The following RINT1 variants were observed in gnomAD, a reference collection of about 807,000 sequenced individuals.
RINT1 encodes RAD50-interacting protein 1.
RINT1 carries 75 observed loss-of-function variants against 97.7 expected under a neutral mutation model. The ratio of observed to expected loss-of-function variants is 0.77; its 90% CI spans 0.64 to 0.93. The LOEUF (loss-of-function observed/expected upper bound fraction) is 0.93. Ranked by LOEUF, RINT1 falls within the 40% of genes least tolerant of loss-of-function variation. RINT1 has a pLI of 0.00. For missense variants in RINT1, 892 were observed against 925.2 expected (o/e 0.96, Z 0.47); for synonymous variants, 303 against 326.3 (o/e 0.93, Z 0.77).
intron 4 of RINT1, among the ~76,000 whole-genome samples, chr7:105,545,535 T>A (rs1280375769): frequency 1.2e-4 from 18 of 148,162 alleles, no homozygotes; most frequent in Middle Eastern, 3.6e-3. Context: ...TATATATTTT[T>A]TTTTTTTTGA....
chr7:105,538,652 T>G (rs954385147), intron 3 of RINT1, among the ~76,000 whole-genome samples: 2 of 152,214 alleles, frequency 1.3e-5, no homozygotes, highest in African/African-American at 4.8e-5. Context: ...CAGATTCTGT[T>G]TGAGACATCT....
At chr7:105,534,279 G>C (rs1181268381) in intron 2 of RINT1, among the ~76,000 whole-genome samples, 3 of 152,094 alleles carry the variant, frequency 2.0e-5, no homozygotes, top group Non-Finnish European at 4.4e-5. Flanking sequence ...ATTTTGGTTA[G>C]GCTGGTCTTG....
chr7:105,565,666 CAATT>C lies in RINT1; in HGVS notation c.2186+22_2186+25del, dbSNP rs1327277129. ...TTTAAACAGTAAGCTCAACATTTAA[CAATT>C]AATATTAATGTATCAAATTGTTACA... is the stretch of plus-strand genomic sequence containing the variant. On this transcript the variant is annotated intron_variant, in intron 14 of 14. Coordinates refer to ENST00000257700, the MANE Select transcript of RINT1 (RefSeq NM_021930.6). The C allele has an allele frequency of 1.4e-6, 2 of 1,458,204 alleles. No individual in the cohort carries two copies. Among genetic ancestry groups the C allele is most frequent in the South Asian group, 2.3e-5 (2 of 87,168 alleles). 90.3% of individuals were successfully genotyped at this position (1,458,204 alleles called of 1,614,324 possible).
At chr7:105,547,685 GATTT>G (rs1197748315) in intron 6 of RINT1, among the ~76,000 whole-genome samples, 2 of 147,562 alleles carry the variant, frequency 1.4e-5, no homozygotes, top group Non-Finnish European at 3.0e-5. Flanking sequence ...TTTTAGGAAA[GATTT>G]ATAGATTAAT....
At position 105,563,933 on chromosome 7, in the gene RINT1, G is replaced by T; in HGVS notation, c.1872G>T (p.Leu624Phe). Residue 624 changes from leucine to phenylalanine, a missense_variant, in exon 12 of 15, where the codon TTG (leucine) becomes TTT (phenylalanine). Physicochemically the swap from Leu to Phe is conservative, Grantham distance 22. Coordinates refer to ENST00000257700, the MANE Select transcript of RINT1 (RefSeq NM_021930.6). ...VFREVKDAAK[L>F]YKKERWLSLP... ...GAGAAGTTAAAGATGCTGCAAAATT[G>T]TATAAAAAAGAAAGGTATGTCCTCT... is the stretch of plus-strand genomic sequence containing the variant. The T allele has an allele frequency of 6.2e-7, 1 of 1,613,352 alleles. No homozygotes were observed. Among genetic ancestry groups the T allele is most frequent in the Non-Finnish European group, 8.5e-7 (1 of 1,179,488 alleles).
rs201581045 is a variant in RINT1 at position 105,563,901 on chromosome 7, G to A, written c.1840G>A (p.Val614Ile). The A allele has an allele frequency of 5.1e-5, 83 of 1,613,912 alleles. No homozygotes were observed. Among genetic ancestry groups the A allele is most frequent in the South Asian group, 7.7e-5 (7 of 91,076 alleles). Reference sequence around the variant, plus strand: ...TATGTTGACCCGTCAAGTAGACCACGTTTTTAGAGAAGTTAAAGATGCTGC... The same window carrying A: ...TATGTTGACCCGTCAAGTAGACCACATTTTTAGAGAAGTTAAAGATGCTGC... ...HDMLTRQVDHVFREVKDAAKL... is the reference protein window; with the variant it reads ...HDMLTRQVDHIFREVKDAAKL... Residue 614 changes from valine (V) to isoleucine (I), a missense_variant, in exon 12 of 15, where the codon GTT (valine) becomes ATT (isoleucine). By Grantham distance (29) the Val-to-Ile change is conservative (BLOSUM62 3). Coordinates refer to ENST00000257700, the MANE Select transcript of RINT1 (RefSeq NM_021930.6).
intron 9 of RINT1, 27 bp from the exon 10 acceptor site, chr7:105,551,543 G>A (rs755100703): frequency 1.9e-6 from 3 of 1,548,164 alleles, no homozygotes; most frequent in South Asian, 2.5e-5. Flanking sequence ...CTACTTAATT[G>A]ACATAATTGT....
chr7:105,544,053 T>C (rs1790564000), intron 4 of RINT1, among the ~76,000 whole-genome samples: 1 of 151,936 alleles, frequency 6.6e-6, no homozygotes, highest in Admixed American at 6.6e-5. Context: ...TGAGCTGAGG[T>C]TGTGCCATTG....
chr7:105,563,321 A>G (rs1791522239), intron 11 of RINT1, among the ~76,000 whole-genome samples: 1 of 152,166 alleles, frequency 6.6e-6, no homozygotes. Flanking sequence ...TAAAATTGTG[A>G]TGGATATACA....
In RINT1 at chr7:105,550,512, A is replaced by G. The variant is rs1438282228; in HGVS notation, c.1333+26A>G. ...GTAAGTGCTGATGTGGCCAGATGGT[A>G]GGGAGATATGTCTGTTTCTGTGGGT... On this transcript the variant is annotated intron_variant, in intron 9 of 14. Coordinates refer to ENST00000257700, the MANE Select transcript of RINT1 (RefSeq NM_021930.6). 2.0e-6 allele frequency: 3 copies of G among 1,502,110 alleles called. No individual in the cohort carries two copies. The African/African-American group carries it at 4.1e-5, about 21-fold the overall frequency. 93.0% of individuals were successfully genotyped at this position (1,502,110 alleles called of 1,614,324 possible). A position where few individuals can be genotyped will look rare whatever the true frequency, so the allele number is the denominator to read the frequency against.
At chr7:105,539,836 T>G (rs1174565576) in intron 3 of RINT1, among the ~76,000 whole-genome samples, 2 of 152,220 alleles carry the variant, frequency 1.3e-5, no homozygotes, top group Non-Finnish European at 2.9e-5. Flanking sequence ...TCTATTTTAT[T>G]GCATTAATCC....
In RINT1 at chr7:105,567,268, T is replaced by C. The variant is rs1337308511; in HGVS notation, c.2336T>C (p.Ile779Thr). The change falls in exon 15 of 15, where the codon ATT becomes ACT. Residue 779 changes from isoleucine (I) to threonine (T), a missense_variant. By Grantham distance (89) the Ile-to-Thr change is moderately conservative (BLOSUM62 -1). Transcript: ENST00000257700. ...AAACTGGCTCAACAAGATGTTGAGA[T>C]TCTACTTAATTTGAGGACAAATTGG... Reference protein sequence around the residue: ...IYKLAQQDVEILLNLRTNWPN... With the variant: ...IYKLAQQDVETLLNLRTNWPN... The C allele has an allele frequency of 2.5e-6, 4 of 1,609,392 alleles. No individual in the cohort carries two copies. The East Asian group carries it at 8.9e-5, about 36-fold the overall frequency.
At chr7:105,536,814 A>G in intron 3 of RINT1, 65 bp downstream of exon 3, 1 of 930,692 alleles carries the variant, frequency 1.1e-6, no homozygotes, top group African/African-American at 1.7e-5. Context: ...ATATAAACAT[A>G]ATCTATTATA....
intron 7 of RINT1, 150 bp from the exon 8 acceptor site, chr7:105,549,905 A>G: frequency 1.8e-6 from 1 of 553,500 alleles, no homozygotes; most frequent in Non-Finnish European, 3.2e-6. Context: ...GCAGGAGTTT[A>G]AAATTTGGAG....
intron 4 of RINT1, among the ~76,000 whole-genome samples, chr7:105,546,602 G>C (rs929833882): frequency 6.6e-6 from 1 of 152,072 alleles, no homozygotes; most frequent in Non-Finnish European, 1.5e-5. Context: ...GGCTGGGCAC[G>C]GTGACTCACG....
intron 4 of RINT1, 54 bp from the exon 5 acceptor site, chr7:105,546,856 C>T: frequency 1.5e-6 from 2 of 1,358,374 alleles, no homozygotes; most frequent in Non-Finnish European, 1.0e-6. Context: ...ACCTGGGCAA[C>T]AGAGTGAGAC....
chr7:105,560,347 T>C (rs756911987), intron 11 of RINT1, among the ~76,000 whole-genome samples: 21 of 152,164 alleles, frequency 1.4e-4, no homozygotes, highest in Non-Finnish European at 1.6e-4. Context: ...TGTCTCAGAT[T>C]GGGGAAGTGT....
chr7:105,563,533 T>A (rs553156068), intron 11 of RINT1, among the ~76,000 whole-genome samples, 200 bp from the exon 12 acceptor site: 131 of 152,276 alleles, frequency 8.6e-4, no homozygotes, highest in African/African-American at 3.1e-3. Context: ...AGTTTCACCA[T>A]GTTGGCCAGG....
intron 6 of RINT1, among the ~76,000 whole-genome samples, chr7:105,547,659 A>AT (rs1053315935): frequency 4.7e-5 from 7 of 149,326 alleles, no homozygotes; most frequent in Non-Finnish European, 8.9e-5. Context: ...TGATACTTGA[A>AT]TTTTTTTTGT....
Sources: allele counts gnomAD v4.1 joint callset (sites outside exome capture counted in the v4.1 genomes callset), GRCh38; gene constraint gnomAD v4.1.1; transcripts MANE v1.5; gene names NCBI Gene and HGNC (gene_info 2026-07-23, HGNC 2026-07-21).